IL1RAPL2: variants seen among roughly 807,000 people sequenced by gnomAD.
The protein encoded by IL1RAPL2 is interleukin 1 receptor accessory protein like 2.
IL1RAPL2 carries 3 observed loss-of-function variants against 44.1 expected under a neutral mutation model. The ratio of observed to expected loss-of-function variants is 0.07; its 90% confidence interval spans 0.03 to 0.18. IL1RAPL2 has a LOEUF of 0.18. IL1RAPL2 is among the 10% of genes least tolerant of loss of function. IL1RAPL2 has a pLI of 1.00. For synonymous variants in IL1RAPL2, 181 were observed against 178.8 expected, an observed-to-expected ratio of 1.01 and a Z score of -0.10; for missense variants, 391 against 496.4, an observed-to-expected ratio of 0.79 and a Z score of 2.02.
chrX:105,692,396 G>C (rs1231806638), intron 6 of IL1RAPL2, among the ~76,000 whole-genome samples: 1 of 111,647 alleles, frequency 9.0e-6, no homozygotes, highest in Admixed American at 9.5e-5. Context: ...GCTATTTGGA[G>C]ACTCTCACCT....
intron 2 of IL1RAPL2, among the ~76,000 whole-genome samples, chrX:105,011,159 A>G (rs1194320066): frequency 9.0e-6 from 1 of 111,288 alleles, no homozygotes; most frequent in Non-Finnish European, 1.9e-5. Context: ...CCTCATATGT[A>G]AAGGTGGTAC....
chrX:105,749,322 T>G (rs2038577641), intron 9 of IL1RAPL2, among the ~76,000 whole-genome samples: 1 of 112,242 alleles, frequency 8.9e-6, no homozygotes, highest in Non-Finnish European at 1.9e-5. Flanking sequence ...CTATGTATGT[T>G]TTTTGAAATG....
chrX:104,861,918 C>G lies in IL1RAPL2; in HGVS notation c.82+202923C>G, dbSNP rs141903646. 6.6e-4 allele frequency among the ~76,000 whole-genome samples: 73 copies of G among 111,095 alleles called. No individual in the cohort carries two copies. In the East Asian group the frequency reaches 9.4e-3, roughly 14 times the overall value. On this transcript the variant is annotated intron_variant, in intron 2 of 10. Transcript: ENST00000372582. ...AGAATCCACAAATACAGAGGGTCAA[C>G]TGTAAAAGGTAAAGGGTAGTCAGAG...
intron 5 of IL1RAPL2, among the ~76,000 whole-genome samples, chrX:105,453,760 GTA>G (rs1353393039): frequency 8.9e-6 from 1 of 111,992 alleles, no homozygotes. Flanking sequence ...TTCATGGTGT[GTA>G]TATATGATAC....
chrX:105,449,454 G>C (rs2036001694), intron 5 of IL1RAPL2, among the ~76,000 whole-genome samples: 1 of 110,850 alleles, frequency 9.0e-6, no homozygotes, highest in African/African-American at 3.3e-5. Context: ...CATGGTGGCG[G>C]GCTCCTGTAG....
chrX:105,315,973 G>T (rs758166410), intron 5 of IL1RAPL2, among the ~76,000 whole-genome samples: 4 of 110,138 alleles, frequency 3.6e-5, no homozygotes, highest in African/African-American at 1.3e-4. Context: ...AATAAGAAGG[G>T]TATTAAAAAA....
At chrX:105,459,960 G>A (rs761560874) in intron 5 of IL1RAPL2, among the ~76,000 whole-genome samples, 2 of 110,644 alleles carry the variant, frequency 1.8e-5, no homozygotes, top group African/African-American at 3.3e-5. Context: ...AATATAATCC[G>A]GTACTTCAAT....
intron 2 of IL1RAPL2, among the ~76,000 whole-genome samples, chrX:104,742,763 A>AC (rs1179198027): frequency 9.0e-6 from 1 of 111,416 alleles, no homozygotes; most frequent in East Asian, 2.8e-4. Context: ...ACTCTTTCTT[A>AC]CCCCCAAGGG....
At chrX:104,893,664 G>T (rs1026306068) in intron 2 of IL1RAPL2, among the ~76,000 whole-genome samples, 3 of 111,068 alleles carry the variant, frequency 2.7e-5, no homozygotes, top group Non-Finnish European at 5.7e-5. Flanking sequence ...ATCCCTTTAT[G>T]TTGAGTCTAT....
At chrX:104,774,910 T>C (rs1932693950) in intron 2 of IL1RAPL2, among the ~76,000 whole-genome samples, 1 of 111,771 alleles carries the variant, frequency 8.9e-6, no homozygotes, top group Non-Finnish European at 1.9e-5. Context: ...ACATCAACCC[T>C]CTCATTTATT....
At chrX:104,940,630 G>A (rs1925140444) in intron 2 of IL1RAPL2, among the ~76,000 whole-genome samples, 1 of 110,487 alleles carries the variant, frequency 9.1e-6, no homozygotes, top group Admixed American at 9.7e-5. Context: ...TCCTTCTCTA[G>A]TTCGTATACT....
chrX:104,961,984 T>A (rs1417366228), intron 2 of IL1RAPL2, among the ~76,000 whole-genome samples: 1 of 112,151 alleles, frequency 8.9e-6, no homozygotes, highest in African/African-American at 3.2e-5. Flanking sequence ...ATATTAAAAG[T>A]CTAATGTGTA....
intron 1 of IL1RAPL2, among the ~76,000 whole-genome samples, chrX:104,633,822 T>C: frequency 9.0e-6 from 1 of 111,138 alleles, no homozygotes; most frequent in East Asian, 2.8e-4. Context: ...TTTTGAAGGG[T>C]TTTTTTGTGT....
intron 5 of IL1RAPL2, among the ~76,000 whole-genome samples, chrX:105,285,759 C>T (rs1485047339): frequency 8.9e-6 from 1 of 111,967 alleles, no homozygotes; most frequent in Non-Finnish European, 1.9e-5. Context: ...AATCAATGTT[C>T]CATTTTAATT....
intron 7 of IL1RAPL2, among the ~76,000 whole-genome samples, chrX:105,738,593 G>A (rs12010340): frequency 0.014 from 1,512 of 111,316 alleles, 10 homozygotes; most frequent in Non-Finnish European, 0.018. Context: ...ACCTACTCCA[G>A]AGCTAAACTG....
intron 2 of IL1RAPL2, among the ~76,000 whole-genome samples, chrX:104,970,465 G>C (rs979437544): frequency 8.9e-6 from 1 of 111,825 alleles, no homozygotes; most frequent in African/African-American, 3.3e-5. Context: ...CAGGCAGTGT[G>C]CTCAGGGCAT....
intron 6 of IL1RAPL2, among the ~76,000 whole-genome samples, chrX:105,689,667 T>C (rs1301322000): frequency 1.8e-5 from 2 of 112,179 alleles, no homozygotes; most frequent in African/African-American, 6.5e-5. Context: ...TGGCAATTCC[T>C]CTAGGATCTA....
intron 6 of IL1RAPL2, among the ~76,000 whole-genome samples, chrX:105,611,007 G>A (rs1256849489): frequency 8.9e-6 from 1 of 111,738 alleles, no homozygotes; most frequent in Non-Finnish European, 1.9e-5. Context: ...GGGATAAGAT[G>A]TGGAGGTGGA....
intron 6 of IL1RAPL2, among the ~76,000 whole-genome samples, chrX:105,624,398 T>C (rs2037439704): frequency 9.0e-6 from 1 of 111,456 alleles, no homozygotes; most frequent in East Asian, 2.8e-4. Context: ...GAGGCTTATA[T>C]ACTAACATGC....
Sources: gnomAD v4.1 joint callset for allele counts (sites outside exome capture counted in the v4.1 genomes callset) on GRCh38, gnomAD v4.1.1 for gene constraint, MANE v1.5 for transcripts, NCBI Gene and HGNC (gene_info 2026-07-23, HGNC 2026-07-21) for gene names.